The following LAMTOR3 variants were observed in gnomAD, a reference collection of about 807,000 sequenced individuals.
LAMTOR3 encodes the protein ragulator complex protein LAMTOR3.
Under a neutral mutation model 20.3 loss-of-function variants are expected in LAMTOR3, and 14 were observed. That is an observed-to-expected ratio of 0.69 (90% CI 0.46 to 1.08). The LOEUF is 1.08. Among genes scored for constraint, LAMTOR3 ranks in the 50% least tolerant of loss-of-function variants. The probability of loss-of-function intolerance (pLI) is 0.00; values close to 1 mark genes in which losing one functional copy is unlikely to be tolerated. For synonymous variants in LAMTOR3, 40 were observed against 49.4 expected, an observed-to-expected ratio of 0.81 and a Z score of 0.80; for missense variants, 125 against 143.7, an observed-to-expected ratio of 0.87 and a Z score of 0.67.
intron 3 of LAMTOR3, among the ~76,000 whole-genome samples, chr4:99,890,794 A>G (rs751673064): frequency 6.6e-6 from 1 of 152,220 alleles, no homozygotes; most frequent in Non-Finnish European, 1.5e-5. Context: ...AAGAAGAAGC[A>G]AGCATTTACT....
chr4:99,891,976 A>C, intron 3 of LAMTOR3, 24 bp downstream of exon 3: 3 of 1,563,534 alleles, frequency 1.9e-6, no homozygotes, highest in Non-Finnish European at 2.6e-6. Context: ...GAATTTATTC[A>C]ATAACAAATT....
chr4:99,881,902 A>G lies in LAMTOR3; in HGVS notation c.*92T>C. On this transcript the variant is annotated 3_prime_UTR_variant, in exon 7 of 7. Transcript: ENST00000499666. ...GAAAAAGGGGCCCTTTCTTGAGCAC[A>G]TGGATAAAAGTATTATTGTAGTCTA... The G allele has an allele frequency of 4.5e-6, 4 of 883,862 alleles. No homozygotes were observed. The highest frequency in any genetic ancestry group is 2.9e-5 in the South Asian group (2 of 67,826). The allele number at this position is 883,862 out of a possible 1,614,324, so 54.8% of individuals were successfully genotyped here. A position where few individuals can be genotyped will look rare whatever the true frequency, so the allele number is the denominator to read the frequency against.
In LAMTOR3 at chr4:99,881,399, A is replaced by C. The variant is rs78743812; in HGVS notation, c.*595T>G. 1.5e-4 allele frequency: 23 copies of C among 152,266 alleles called. No homozygotes were observed. Among genetic ancestry groups the C allele is most frequent in the African/African-American group, 5.3e-4 (22 of 41,558 alleles). The allele number at this position is 152,266 out of a possible 1,614,324, so 9.4% of individuals were successfully genotyped here. A position where few individuals can be genotyped will look rare whatever the true frequency, so the allele number is the denominator to read the frequency against. ...GGAAAAAACATTAGCTATAATTTTCATTTTCATTAAAGAGCAGCACCCTCT... is the reference window on the plus strand; with the variant it reads ...GGAAAAAACATTAGCTATAATTTTCCTTTTCATTAAAGAGCAGCACCCTCT... On this transcript the variant is annotated 3_prime_UTR_variant, in exon 7 of 7. Coordinates refer to ENST00000499666, the MANE Select transcript of LAMTOR3 (RefSeq NM_021970.4).
At chr4:99,885,738 C>CT (rs991997629) in intron 4 of LAMTOR3, 63 bp from the exon 5 acceptor site, 105 of 1,377,270 alleles carry the variant, frequency 7.6e-5, no homozygotes, top group Non-Finnish European at 9.1e-5. Flanking sequence ...ATTTACAGCC[C>CT]TTTTTTTTCA....
chr4:99,884,648 C>T (rs900843274), intron 5 of LAMTOR3, among the ~76,000 whole-genome samples: 7 of 152,068 alleles, frequency 4.6e-5, no homozygotes, highest in African/African-American at 1.7e-4. Flanking sequence ...TTACTTAATA[C>T]ACATTAAAAT....
At chr4:99,884,247 A>G in intron 5 of LAMTOR3, 122 bp from the exon 6 acceptor site, 1 of 695,070 alleles carries the variant, frequency 1.4e-6, no homozygotes, top group Non-Finnish European at 2.5e-6. Context: ...ACATTATGGT[A>G]TTATATTATG....
chr4:99,881,108 A>T lies in LAMTOR3; in HGVS notation c.*886T>A, dbSNP rs1391921188. On this transcript the variant is annotated 3_prime_UTR_variant, in exon 7 of 7. Transcript: ENST00000499666. Reference sequence around the variant, plus strand: ...CTCCAAACCAATACCTACAAGAAACACTCATTATTTATTCATGTGGCTGAA... The same window carrying T: ...CTCCAAACCAATACCTACAAGAAACTCTCATTATTTATTCATGTGGCTGAA... 1.3e-5 allele frequency: 2 copies of T among 152,200 alleles called. No homozygotes were observed. The highest frequency in any genetic ancestry group is 2.9e-5 in the Non-Finnish European group (2 of 68,046). 9.4% of individuals were successfully genotyped at this position (152,200 alleles called of 1,614,324 possible). A position where few individuals can be genotyped will look rare whatever the true frequency, so the allele number is the denominator to read the frequency against.
At chr4:99,885,480 T>C (rs549263338) in intron 5 of LAMTOR3, 62 bp downstream of exon 5, 8 of 1,415,866 alleles carry the variant, frequency 5.7e-6, no homozygotes, top group Non-Finnish European at 7.6e-6. Context: ...CTATTTTATA[T>C]ATATAAAAGG....
At chr4:99,892,702 G>A (rs1725044412) in intron 2 of LAMTOR3, among the ~76,000 whole-genome samples, 1 of 142,652 alleles carries the variant, frequency 7.0e-6, no homozygotes, top group Non-Finnish European at 1.5e-5. Flanking sequence ...TTTTGAGACG[G>A]AGTTTCGCTC....
chr4:99,884,153 A>G (rs1454448786), intron 5 of LAMTOR3, 28 bp from the exon 6 acceptor site: 2 of 1,529,100 alleles, frequency 1.3e-6, no homozygotes, highest in African/African-American at 1.4e-5. Flanking sequence ...GCCAAATAAT[A>G]TGTTGCATTA....
At chr4:99,887,702 T>C (rs1724954297) in intron 3 of LAMTOR3, among the ~76,000 whole-genome samples, 1 of 152,224 alleles carries the variant, frequency 6.6e-6, no homozygotes. Context: ...TCCTTTTTCA[T>C]TCATGCAAAT....
chr4:99,888,740 A>G (rs1724972390), intron 3 of LAMTOR3, among the ~76,000 whole-genome samples: 1 of 152,238 alleles, frequency 6.6e-6, no homozygotes, highest in Non-Finnish European at 1.5e-5. Context: ...AGTGTTATTA[A>G]ATATGAATGG....
rs777974541 is a variant in LAMTOR3, at chr4:99,878,876, C to T, written c.*3118G>A. On this transcript the variant is annotated 3_prime_UTR_variant, in exon 7 of 7. Coordinates refer to ENST00000499666, the MANE Select transcript of LAMTOR3 (RefSeq NM_021970.4). ...AAAGCCAAAGCATATGGTTATCCTA[C>T]CTATGGCAGATATTTAGGTTGCTTC... The T allele has an allele frequency of 3.3e-5, 5 of 152,200 alleles. No individual in the cohort carries two copies. The highest frequency in any genetic ancestry group is 7.3e-5 in the Non-Finnish European group (5 of 68,036). 9.4% of individuals were successfully genotyped at this position (152,200 alleles called of 1,614,324 possible). A position where few individuals can be genotyped will look rare whatever the true frequency, so the allele number is the denominator to read the frequency against.
chr4:99,891,845 G>A (rs1482223876), intron 3 of LAMTOR3, among the ~76,000 whole-genome samples, 155 bp downstream of exon 3: 1 of 152,154 alleles, frequency 6.6e-6, no homozygotes, highest in African/African-American at 2.4e-5. Flanking sequence ...CGGTTGTGAC[G>A]AAAATTTTCC....
intron 6 of LAMTOR3, among the ~76,000 whole-genome samples, chr4:99,882,406 G>A (rs1222513891): frequency 6.6e-6 from 1 of 151,950 alleles, no homozygotes; most frequent in South Asian, 2.1e-4. Context: ...TCAAATTTTT[G>A]GATTAGGGAT....
chr4:99,891,971 T>C (rs1471730634), intron 3 of LAMTOR3, 29 bp downstream of exon 3: 1 of 1,563,108 alleles, frequency 6.4e-7, no homozygotes, highest in Non-Finnish European at 8.6e-7. Flanking sequence ...ATATAGAATT[T>C]ATTCAATAAC....
chr4:99,892,666 C>A (rs1725043059), intron 2 of LAMTOR3, among the ~76,000 whole-genome samples: 1 of 148,904 alleles, frequency 6.7e-6, no homozygotes, highest in African/African-American at 2.5e-5. Context: ...TTCTATATGA[C>A]TATGTGAGGC....
intron 5 of LAMTOR3, among the ~76,000 whole-genome samples, chr4:99,884,757 G>C (rs966855331): frequency 6.6e-6 from 1 of 152,172 alleles, no homozygotes; most frequent in South Asian, 2.1e-4. Context: ...TTGAGGCCAA[G>C]AGTTCAAGAC....
At chr4:99,891,666 G>A (rs538388053) in intron 3 of LAMTOR3, among the ~76,000 whole-genome samples, 4 of 152,092 alleles carry the variant, frequency 2.6e-5, no homozygotes, top group Non-Finnish European at 5.9e-5. Flanking sequence ...ACGAAATACA[G>A]CAAAGAAATG....
Sources: gnomAD v4.1 joint callset for allele counts (sites outside exome capture counted in the v4.1 genomes callset) on GRCh38, gnomAD v4.1.1 for gene constraint, MANE v1.5 for transcripts, NCBI Gene and HGNC (gene_info 2026-07-23, HGNC 2026-07-21) for gene names.